Variants in SLC25A41 observed in about 807,000 individuals in gnomAD.
SLC25A41 encodes the protein solute carrier family 25 member 41.
In SLC25A41, 35 loss-of-function variants were observed where a neutral mutation model predicts 34.7. The observed-to-expected ratio is 1.01, with a 90% CI of 0.77 to 1.34. The LOEUF (loss-of-function observed/expected upper bound fraction) is 1.34. SLC25A41 is among the 40% of genes most tolerant of loss of function. The probability of loss-of-function intolerance (pLI) is 0.00; values close to 1 mark genes in which losing one functional copy is unlikely to be tolerated. For missense variants in SLC25A41, 492 were observed against 489.8 expected, an observed-to-expected ratio of 1.00 and a Z score of -0.04; for synonymous variants, 190 against 209.9, an observed-to-expected ratio of 0.91 and a Z score of 0.82.
chr19:6,430,668 A>G (rs113754452), intron 2 of SLC25A41: 4,204 of 242,794 alleles, frequency 0.017, 174 homozygotes, highest in African/African-American at 0.096. Context: ...TTGTATTTTT[A>G]GTAGAGCTGG....
chr19:6,434,534 G>A (rs578246656), upstream of SLC25A41, among the ~76,000 whole-genome samples: 3 of 152,286 alleles, frequency 2.0e-5, no homozygotes, highest in African/African-American at 4.8e-5. Context: ...TTAAGACCCC[G>A]CTCTTTAGTG....
rs758459773 is a variant in SLC25A41 at position 6,430,032 on chromosome 19, T to C, written c.493A>G (p.Ile165Val). 5.6e-6 allele frequency: 9 copies of C among 1,612,624 alleles called. No individual in the cohort carries two copies. The South Asian group carries it at 9.9e-5, about 18-fold the overall frequency. The change falls in exon 3 of 7, where the codon ATC becomes GTC. Residue 165 changes from isoleucine to valine, a missense_variant. Physicochemically the swap from Ile to Val is conservative, Grantham distance 29. Coordinates refer to ENST00000321510, the MANE Select transcript of SLC25A41 (RefSeq NM_173637.4). ...ACCTGCTCGAATACGGAGAACTTGA[T>C]GGCATACTCAGGAGCAATCTTGAGC... ...NVLKIAPEYA[I>V]KFSVFEQCKN...
intron 1 of SLC25A41, 91 bp downstream of exon 1, chr19:6,433,394 CAG>C: frequency 3.9e-6 from 5 of 1,280,906 alleles, no homozygotes; most frequent in Non-Finnish European, 4.5e-6. Flanking sequence ...GGTCCGCTAG[CAG>C]GGGAGTGGGC....
At chr19:6,431,867 A>C (rs2092286772) in intron 2 of SLC25A41, among the ~76,000 whole-genome samples, 182 bp downstream of exon 2, 1 of 151,964 alleles carries the variant, frequency 6.6e-6, no homozygotes, top group Non-Finnish European at 1.5e-5. Flanking sequence ...CTCGACTCCA[A>C]GCCATGTCCA....
At chr19:6,433,905 T>A (rs2092296873), upstream of SLC25A41, 1 of 467,436 alleles carries the variant, frequency 2.1e-6, no homozygotes. Flanking sequence ...AATAAATATG[T>A]TATCGTTATA....
intron 1 of SLC25A41, among the ~76,000 whole-genome samples, chr19:6,432,922 C>T (rs1020654234): frequency 6.6e-6 from 1 of 152,098 alleles, no homozygotes; most frequent in African/African-American, 2.4e-5. Flanking sequence ...CCTGCCTCAG[C>T]CTCCCAAAGT....
Position 6,427,027 on chromosome 19 carries a change from G to A in SLC25A41, c.940+76C>T. On this transcript the variant is annotated intron_variant, in intron 6 of 6. Transcript: ENST00000321510. The surrounding 1 kb of genome is among the most constrained non-coding windows in gnomAD (Gnocchi z 4.9). The stretch of plus-strand genomic sequence containing the variant: ...CACGGAGGGTGCCGGACTCAGTTTT[G>A]GGGTATGAGAAAATTGAGACAGCCA... 1 of 1,493,340 alleles carries A rather than the reference G, an allele frequency of 6.7e-7. No homozygotes were observed. The highest frequency in any genetic ancestry group is 9.1e-7 in the Non-Finnish European group (1 of 1,103,572). 92.5% of individuals were successfully genotyped at this position (1,493,340 alleles called of 1,614,324 possible).
chr19:6,435,926 TG>T (rs1333469692), upstream of SLC25A41, among the ~76,000 whole-genome samples: 8 of 152,026 alleles, frequency 5.3e-5, no homozygotes, highest in African/African-American at 1.9e-4. Flanking sequence ...GAGGCTGAGA[TG>T]GGAGCATCAC....
At chr19:6,426,729 G>T (rs754718106) in intron 6 of SLC25A41, among the ~76,000 whole-genome samples, 168 bp from the exon 7 acceptor site, 57 of 152,306 alleles carry the variant, frequency 3.7e-4, no homozygotes, top group Non-Finnish European at 7.1e-4. Context: ...GAGGAGTGGG[G>T]GAGTTTCTGA....
rs1487890546 is a variant in SLC25A41 at position 6,426,405 on chromosome 19, T to C, written c.1097A>G (p.Lys366Arg). 1 of 1,613,556 alleles carries C rather than the reference T, an allele frequency of 6.2e-7. No individual in the cohort carries two copies. The change falls in exon 7 of 7, where the codon AAA becomes AGA. Residue 366 changes from lysine to arginine, a missense_variant. Physicochemically the swap from Lys to Arg is conservative, Grantham distance 26. Transcript: ENST00000321510. The part of the protein sequence containing the change: ...ISYVVYEAMK[K>R]TLGI The stretch of plus-strand genomic sequence containing the variant: ...GCTCACAGCCTATATGCCCAGGGTT[T>C]TCTTCATGGCTTCGTACACCACATA...
At position 6,433,581 on chromosome 19, in the gene SLC25A41, G is replaced by T. The variant is rs745637762; in HGVS notation, c.113C>A (p.Pro38Gln). 1.2e-6 allele frequency: 2 copies of T among 1,612,988 alleles called. No individual in the cohort carries two copies. Among genetic ancestry groups the T allele is most frequent in the African/African-American group, 1.3e-5 (1 of 74,864 alleles). The change falls in exon 1 of 7, where the codon CCA becomes CAA. Residue 38 changes from proline (P) to glutamine (Q), a missense_variant. Pro to Gln is a moderately conservative substitution (Grantham distance 76). Coordinates refer to ENST00000321510, the MANE Select transcript of SLC25A41 (RefSeq NM_173637.4). Reference sequence around the variant, plus strand: ...ACAGCCAGGGTTCCAGGATGGGGGTGGAGGCGGAGGTTGGGGGGGAGGCGG... The same window carrying T: ...ACAGCCAGGGTTCCAGGATGGGGGTTGAGGCGGAGGTTGGGGGGGAGGCGG... ...KAPPPPQPPP[P>Q]PPSWNPGCTH...
At position 6,429,705 on chromosome 19, in the gene SLC25A41, G is replaced by A. The variant is rs778829458; in HGVS notation, c.624+19C>T. 38 of 1,538,908 alleles carry A rather than the reference G, an allele frequency of 2.5e-5. 1 individual carries two copies. In the East Asian group the frequency reaches 4.7e-4, roughly 19 times the overall value. On this transcript the variant is annotated intron_variant, in intron 4 of 6. Transcript: ENST00000321510. ...GTTTCCACGGCGTTTCCTCACCTGC[G>A]GGGCACATGCTCTCTTACCTCCATG...
chr19:6,426,963 C>T (rs747777478), intron 6 of SLC25A41, 140 bp downstream of exon 6: 51 of 916,408 alleles, frequency 5.6e-5, no homozygotes, highest in East Asian at 2.4e-4. Flanking sequence ...ATTTTTGAGA[C>T]GCAGTCTCAA....
chr19:6,429,589 G>A (rs372960385), intron 4 of SLC25A41, 135 bp downstream of exon 4: 12 of 508,204 alleles, frequency 2.4e-5, no homozygotes, highest in South Asian at 7.3e-5. Flanking sequence ...AGAGGTGAAC[G>A]GGGAGGAGGG....
chr19:6,435,106 C>A (rs904254321), upstream of SLC25A41, among the ~76,000 whole-genome samples: 1 of 151,532 alleles, frequency 6.6e-6, no homozygotes, highest in Non-Finnish European at 1.5e-5. Flanking sequence ...TGCCTGTGGT[C>A]CCAGCTACAC....
Position 6,426,478 on chromosome 19 carries a change from C to T in SLC25A41, c.1024G>A (p.Gly342Ser). 1 of 1,613,718 alleles carries T rather than the reference C, an allele frequency of 6.2e-7. No individual in the cohort carries two copies. Among genetic ancestry groups the T allele is most frequent in the Non-Finnish European group, 8.5e-7 (1 of 1,179,852 alleles). ...ACCTTCAGTAGCGTGGGGGTCATGC[C>T]TCGGTACAGCCCTAGCCAGCCCTGC... ...AQQGWLGLYR[G>S]MTPTLLKVLP... The change falls in exon 7 of 7, where the codon GGC (glycine) becomes AGC (serine). Residue 342 changes from glycine to serine, a missense_variant. Coordinates refer to ENST00000321510, the MANE Select transcript of SLC25A41 (RefSeq NM_173637.4).
upstream of SLC25A41, among the ~76,000 whole-genome samples, chr19:6,435,115 A>T (rs111861296): frequency 0.019 from 2,796 of 150,988 alleles, 39 homozygotes; most frequent in South Asian, 0.038. Flanking sequence ...TCCCAGCTAC[A>T]CAGGAGGCTG....
intron 6 of SLC25A41, 92 bp from the exon 7 acceptor site, chr19:6,426,653 G>T: frequency 1.4e-6 from 2 of 1,464,478 alleles, no homozygotes; most frequent in African/African-American, 1.4e-5. Flanking sequence ...GAAGCCACGG[G>T]TAGGGGCCCC....
rs745582934 is a variant in SLC25A41 at position 6,433,525 on chromosome 19, T to C, written c.169A>G (p.Met57Val). The C allele has an allele frequency of 1.2e-6, 2 of 1,612,578 alleles. No homozygotes were observed. Among genetic ancestry groups the C allele is most frequent in the African/African-American group, 2.7e-5 (2 of 74,612 alleles). ...AGATGTTCAAGGTTGTTGTCATGCA[T>C]GTGGCCAAACGCGTACCCATACACG... The part of the protein sequence containing the change: ...THVYGYAFGH[M>V]HDNNLEHLPS... The change falls in exon 1 of 7, where the codon ATG becomes GTG. Residue 57 changes from methionine (M) to valine (V), a missense_variant. Physicochemically the swap from Met to Val is conservative, Grantham distance 21. Coordinates refer to ENST00000321510, the MANE Select transcript of SLC25A41 (RefSeq NM_173637.4).
Sources: allele counts gnomAD v4.1 joint callset (sites outside exome capture counted in the v4.1 genomes callset), GRCh38; gene constraint gnomAD v4.1.1; non-coding constraint Gnocchi (gnomAD v3.1); transcripts MANE v1.5; gene names NCBI Gene and HGNC (gene_info 2026-07-23, HGNC 2026-07-21).